PCDHA2: variants seen among roughly 807,000 people sequenced by gnomAD.
The protein encoded by PCDHA2 is protocadherin alpha 2.
In PCDHA2, 58 loss-of-function variants were observed where a neutral mutation model predicts 66.0. That is an observed-to-expected ratio of 0.88 (90% CI 0.71 to 1.09). The LOEUF (loss-of-function observed/expected upper bound fraction) is 1.09, where lower values mean the gene tolerates loss of function less well. Among genes scored for constraint, PCDHA2 ranks in the 50% least tolerant of loss-of-function variants. The pLI is 0.00. For synonymous variants in PCDHA2, 634 were observed against 554.0 expected (o/e 1.14, Z -2.03); for missense variants, 1,267 against 1,242.3 (o/e 1.02, Z -0.30).
Position 140,848,531 on chromosome 5 carries a change from G to C in PCDHA2, c.2388+51179G>C. On this transcript the variant is annotated intron_variant, in intron 1 of 3. Coordinates refer to ENST00000526136, the MANE Select transcript of PCDHA2 (RefSeq NM_018905.3). ...CAAGTCGAGGAGATCCAGAGGGTCA[G>C]CCTCTACTGCTCTCGCTTCTGATCC... 3 of 1,594,876 alleles carry C rather than the reference G, an allele frequency of 1.9e-6. 1 individual carries two copies. The South Asian group carries it at 3.3e-5, about 18-fold the overall frequency.
chr5:140,913,471 C>G (rs2076351409), intron 1 of PCDHA2, among the ~76,000 whole-genome samples: 1 of 152,010 alleles, frequency 6.6e-6, no homozygotes, highest in South Asian at 2.1e-4. Context: ...TGGGTCTTCT[C>G]TCTTTTTTTC....
intron 3 of PCDHA2, among the ~76,000 whole-genome samples, chr5:140,982,904 T>G (rs1353983952): frequency 1.3e-5 from 2 of 151,900 alleles, no homozygotes; most frequent in African/African-American, 4.8e-5. Context: ...GGTGGCCTTA[T>G]GCACAGAGAT....
chr5:140,937,039 C>CTTTTT, intron 1 of PCDHA2, among the ~76,000 whole-genome samples: 1 of 140,166 alleles, frequency 7.1e-6, no homozygotes, highest in Non-Finnish European at 1.5e-5. Flanking sequence ...TTCCATTTAT[C>CTTTTT]TTTTTTTTTT....
intron 3 of PCDHA2, among the ~76,000 whole-genome samples, chr5:140,997,635 A>C (rs1317325954): frequency 6.6e-6 from 1 of 151,942 alleles, no homozygotes; most frequent in Non-Finnish European, 1.5e-5. Context: ...CAAAAAGCAA[A>C]ATGGGATAAT....
intron 1 of PCDHA2, chr5:140,836,781 T>C: frequency 6.7e-7 from 1 of 1,482,902 alleles, no homozygotes; most frequent in South Asian, 1.3e-5. Flanking sequence ...TTAAAACAAT[T>C]AGTTCAATTG....
At chr5:140,804,001 A>C in intron 1 of PCDHA2, 1 of 225,562 alleles carries the variant, frequency 4.4e-6, no homozygotes, top group African/African-American at 2.3e-5. Flanking sequence ...GTTAGTACAA[A>C]TGTTACTTGC....
rs144442346 is a variant in PCDHA2 at position 140,929,817 on chromosome 5, G to A, written c.2389-49132G>A. 1,292 of 158,464 alleles carry A rather than the reference G, an allele frequency of 8.2e-3. 7 individuals are homozygous for A. Among genetic ancestry groups the A allele is most frequent in the African/African-American group, 0.019 (796 of 41,644 alleles). 9.8% of individuals were successfully genotyped at this position (158,464 alleles called of 1,614,324 possible). On this transcript the variant is annotated intron_variant, in intron 1 of 3. Coordinates refer to ENST00000526136, the MANE Select transcript of PCDHA2 (RefSeq NM_018905.3). The stretch of plus-strand genomic sequence containing the variant: ...ATGGGGGTTAAAAGAAGGGAGAAAG[G>A]GAACATAAGAGAACATTTGAGTGAG...
intron 1 of PCDHA2, chr5:140,869,346 T>G (rs781810947): frequency 4.3e-6 from 7 of 1,613,936 alleles, no homozygotes; most frequent in East Asian, 2.2e-5. Flanking sequence ...ATCTGCAGAA[T>G]GGCATTTTGT....
intron 1 of PCDHA2, among the ~76,000 whole-genome samples, chr5:140,913,292 T>G (rs1252467748): frequency 6.6e-6 from 1 of 152,184 alleles, no homozygotes; most frequent in African/African-American, 2.4e-5. Flanking sequence ...AGGTTTTAAT[T>G]TCTTCATAGA....
chr5:140,913,237 C>A (rs2076260841), intron 1 of PCDHA2, among the ~76,000 whole-genome samples: 1 of 152,080 alleles, frequency 6.6e-6, no homozygotes, highest in Non-Finnish European at 1.5e-5. Context: ...TGCTGGGAGA[C>A]TTTTTGTTAC....
At chr5:140,828,806 G>A in intron 1 of PCDHA2, 2 of 1,614,220 alleles carry the variant, frequency 1.2e-6, no homozygotes, top group Non-Finnish European at 1.7e-6. Context: ...GAATGATAAT[G>A]CTCCCACTTT....
chr5:140,804,897 C>A, intron 1 of PCDHA2: 1 of 750,788 alleles, frequency 1.3e-6, no homozygotes, highest in Non-Finnish European at 2.0e-6. Flanking sequence ...CTTCCCCTCA[C>A]TTCCATTTTC....
intron 1 of PCDHA2, among the ~76,000 whole-genome samples, chr5:140,959,052 A>C (rs992294371): frequency 3.3e-5 from 5 of 152,078 alleles, no homozygotes; most frequent in Admixed American, 6.6e-5. Context: ...ATAGGAAAAA[A>C]TGCAGTATAT....
rs782673373 is a variant in PCDHA2 at position 140,858,110 on chromosome 5, G to A, written c.2388+60758G>A. On this transcript the variant is annotated intron_variant, in intron 1 of 3. Transcript: ENST00000526136. ...GCGGGCTTCAGTGGGCGTGGCGCCC[G>A]AGGTGGCCCTGGTGGATGTCAACGT... 5.6e-6 allele frequency: 9 copies of A among 1,597,760 alleles called. 1 individual carries two copies. The highest frequency in any genetic ancestry group is 3.4e-5 in the Admixed American group (2 of 59,350).
intron 1 of PCDHA2, chr5:140,824,719 C>T (rs1279844716): frequency 2.0e-5 from 3 of 150,334 alleles, no homozygotes; most frequent in African/African-American, 4.9e-5. Context: ...CTCAGCCTCC[C>T]GAAGTACTAA....
At chr5:140,960,440 T>C (rs1304890095) in intron 1 of PCDHA2, among the ~76,000 whole-genome samples, 1 of 152,164 alleles carries the variant, frequency 6.6e-6, no homozygotes, top group Admixed American at 6.5e-5. Flanking sequence ...ACTCTAGATA[T>C]ATGTATGGAT....
intron 1 of PCDHA2, among the ~76,000 whole-genome samples, chr5:140,889,879 T>G (rs2062416989): frequency 6.6e-6 from 1 of 152,162 alleles, no homozygotes; most frequent in South Asian, 2.1e-4. Flanking sequence ...CCTGCCACCA[T>G]GTAAGAATTC....
intron 1 of PCDHA2, among the ~76,000 whole-genome samples, chr5:140,798,163 C>A (rs1003066026): frequency 6.6e-6 from 1 of 152,152 alleles, no homozygotes; most frequent in Non-Finnish European, 1.5e-5. Flanking sequence ...TGAGCCACTG[C>A]ACCTGGTCTT....
chr5:140,843,487 G>A (rs2150361131), intron 1 of PCDHA2: 2 of 1,596,050 alleles, frequency 1.3e-6, no homozygotes, highest in Admixed American at 1.7e-5. Context: ...CTGCGCTGCG[G>A]TGCTCAGCAC....
Sources: allele counts gnomAD v4.1 joint callset (sites outside exome capture counted in the v4.1 genomes callset), GRCh38; gene constraint gnomAD v4.1.1; transcripts MANE v1.5; gene names NCBI Gene and HGNC (gene_info 2026-07-23, HGNC 2026-07-21).